The following KIAA1671 variants were observed in gnomAD, a reference collection of about 807,000 sequenced individuals.
KIAA1671 encodes uncharacterized protein KIAA1671.
In KIAA1671, 52 loss-of-function variants were observed where a neutral mutation model predicts 131.2. The observed-to-expected ratio is 0.40, with a 90% CI of 0.32 to 0.50. The LOEUF (loss-of-function observed/expected upper bound fraction) is 0.50, where lower values mean the gene tolerates loss of function less well. Among genes scored for constraint, KIAA1671 ranks in the 20% least tolerant of loss-of-function variants. The probability of loss-of-function intolerance (pLI) is 0.73; values close to 1 mark genes in which losing one functional copy is unlikely to be tolerated. For synonymous variants in KIAA1671, 1,003 were observed against 961.6 expected, an observed-to-expected ratio of 1.04 and a Z score of -0.80; for missense variants, 2,360 against 2,364.2, an observed-to-expected ratio of 1.00 and a Z score of 0.04.
At chr22:25,110,572 G>T (rs766979593) in intron 6 of KIAA1671, among the ~76,000 whole-genome samples, 3 of 152,166 alleles carry the variant, frequency 2.0e-5, no homozygotes, top group Non-Finnish European at 2.9e-5. Context: ...ATCCCTGCTA[G>T]AAGGAGAAAC....
At chr22:24,975,763 G>A (rs551972500) in intron 1 of KIAA1671, among the ~76,000 whole-genome samples, 1 of 152,330 alleles carries the variant, frequency 6.6e-6, no homozygotes, top group South Asian at 2.1e-4. Flanking sequence ...CTGAGGCTCA[G>A]AGAGGGAATT....
At chr22:24,989,905 G>C (rs1324535789) in intron 1 of KIAA1671, among the ~76,000 whole-genome samples, 1 of 152,106 alleles carries the variant, frequency 6.6e-6, no homozygotes, top group Non-Finnish European at 1.5e-5. Flanking sequence ...CACAGCCCCA[G>C]AAACCTTGTT....
At chr22:25,068,040 G>A (rs184632221) in intron 6 of KIAA1671, among the ~76,000 whole-genome samples, 111 of 152,400 alleles carry the variant, frequency 7.3e-4, no homozygotes, top group Middle Eastern at 3.4e-3. Context: ...ACTTTTGTCG[G>A]TCAGCAGGAC....
intron 1 of KIAA1671, among the ~76,000 whole-genome samples, chr22:24,954,729 C>T (rs1471000244): frequency 2.0e-5 from 3 of 152,152 alleles, no homozygotes; most frequent in East Asian, 3.9e-4. Flanking sequence ...GCTGCCCCTA[C>T]CCCCACTGGA....
At chr22:24,979,571 G>A (rs537337710) in intron 1 of KIAA1671, among the ~76,000 whole-genome samples, 2 of 147,382 alleles carry the variant, frequency 1.4e-5, no homozygotes, top group Admixed American at 6.8e-5. Flanking sequence ...AGATGGTCTC[G>A]ATCTCCTGAC....
chr22:24,983,774 ATTTTTTT>A (rs1164602658), intron 1 of KIAA1671, among the ~76,000 whole-genome samples: 3 of 116,750 alleles, frequency 2.6e-5, no homozygotes, highest in Non-Finnish European at 5.1e-5. Flanking sequence ...GGTGTTTGGA[ATTTTTTT>A]TTTTTTTTTT....
intron 1 of KIAA1671, among the ~76,000 whole-genome samples, chr22:24,978,218 G>A (rs1156991936): frequency 2.0e-5 from 3 of 152,040 alleles, no homozygotes; most frequent in Non-Finnish European, 2.9e-5. Flanking sequence ...TGAATCACGG[G>A]GGCGGTTTTC....
chr22:25,052,684 A>G (rs1419253542), intron 6 of KIAA1671: 1 of 152,068 alleles, frequency 6.6e-6, no homozygotes, highest in Non-Finnish European at 1.5e-5. Flanking sequence ...AGTGCCTGAC[A>G]CCGAGAAATG....
intron 6 of KIAA1671, among the ~76,000 whole-genome samples, chr22:25,076,675 G>A (rs1003159445): frequency 2.6e-5 from 4 of 152,222 alleles, no homozygotes; most frequent in South Asian, 2.1e-4. Context: ...CTCGCCAGAC[G>A]GTCCCAAGGC....
chr22:25,012,004 C>A (rs1008308085), intron 1 of KIAA1671: 1 of 152,120 alleles, frequency 6.6e-6, no homozygotes, highest in African/African-American at 2.4e-5. Flanking sequence ...CCCTTAAGTT[C>A]TTAAATATTT....
At chr22:25,160,365 G>A (rs955499276) in intron 6 of KIAA1671, among the ~76,000 whole-genome samples, 3 of 152,186 alleles carry the variant, frequency 2.0e-5, no homozygotes, top group Admixed American at 1.3e-4. Context: ...CCCTCATTCA[G>A]AGGCTTGGGC....
rs979013707 is a variant in KIAA1671 at position 25,115,864 on chromosome 22, C to T, written c.4531-54956C>T. ...CAGTCTCGGCTCACTGCAACCTCCA[C>T]CTCCCAGGTTCAAGTGATTCTCCTG... On this transcript the variant is annotated intron_variant, in intron 6 of 12. Coordinates refer to ENST00000358431, the MANE Select transcript of KIAA1671 (RefSeq NM_001145206.2). Among the ~76,000 whole-genome samples the T allele has an allele frequency of 1.4e-4, 22 of 152,150 alleles. 1 individual carries two copies. Among genetic ancestry groups the T allele is most frequent in the Admixed American group, 1.2e-3 (19 of 15,280 alleles).
At chr22:25,065,693 G>GGCA (rs1928436795) in intron 6 of KIAA1671, among the ~76,000 whole-genome samples, 1 of 151,160 alleles carries the variant, frequency 6.6e-6, no homozygotes, top group Non-Finnish European at 1.5e-5. Flanking sequence ...AGGCTGGAGT[G>GGCA]CAGTGGTGCG....
Position 24,967,955 on chromosome 22 carries a change from T to C in KIAA1671, c.-208+15183T>C, listed in dbSNP as rs1324602779. ...TTGCAGTGAACCGAGATCATGCCAC[T>C]GCACTCCAGCCTGGGCGACAGAGTG... On this transcript the variant is annotated intron_variant, in intron 1 of 12. Transcript: ENST00000358431. Among the ~76,000 whole-genome samples the C allele has an allele frequency of 3.3e-5, 5 of 152,176 alleles. No homozygotes were observed. The South Asian group carries it at 6.2e-4, about 19-fold the overall frequency.
intron 1 of KIAA1671, chr22:25,023,911 C>T (rs1208452328): frequency 1.3e-5 from 2 of 151,234 alleles, no homozygotes; most frequent in Admixed American, 1.3e-4. Context: ...CGCCATTGCA[C>T]TCCAGCCTGG....
At chr22:25,145,585 G>C (rs1489811479) in intron 6 of KIAA1671, among the ~76,000 whole-genome samples, 1 of 152,126 alleles carries the variant, frequency 6.6e-6, no homozygotes, top group African/African-American at 2.4e-5. Context: ...CCTTCCCTGG[G>C]CCTCAGATTC....
At chr22:25,062,689 A>C (rs1040194835) in intron 6 of KIAA1671, 2 of 152,274 alleles carry the variant, frequency 1.3e-5, no homozygotes, top group African/African-American at 4.8e-5. Context: ...CGCTGACCCC[A>C]TCTACCCCAT....
chr22:25,041,297 C>T lies in KIAA1671; in HGVS notation c.4167C>T (p.Ala1389=). The stretch of plus-strand genomic sequence containing the variant: ...GGCGGGGAGAGGAGGACAGTGTGGC[C>T]CAGTGGGGTGACCACCCACGTGACT... The part of the protein sequence containing the change: ...STGRGEEDSV[A]QWGDHPRDCG... Residue 1389 remains alanine, a synonymous_variant, in exon 5 of 13, where the codon GCC becomes GCT. Coordinates refer to ENST00000358431, the MANE Select transcript of KIAA1671 (RefSeq NM_001145206.2). 6.4e-7 allele frequency: 1 copy of T among 1,551,674 alleles called. No homozygotes were observed. The highest frequency in any genetic ancestry group is 8.7e-7 in the Non-Finnish European group (1 of 1,146,992).
At chr22:25,112,299 G>A in intron 6 of KIAA1671, 1 of 398,966 alleles carries the variant, frequency 2.5e-6, no homozygotes, top group Non-Finnish European at 4.4e-6. Context: ...GGCCACGAAC[G>A]GACGAGTGCA....
Sources: allele counts gnomAD v4.1 joint callset (sites outside exome capture counted in the v4.1 genomes callset), GRCh38; gene constraint gnomAD v4.1.1; transcripts MANE v1.5; gene names NCBI Gene and HGNC (gene_info 2026-07-23, HGNC 2026-07-21).